Variants in ZNF729 observed in about 807,000 individuals in gnomAD.
ZNF729 encodes the protein zinc finger protein 729.
ZNF729 carries 15 observed loss-of-function variants against 12.2 expected under a neutral mutation model. That is an observed-to-expected ratio of 1.23 (90% CI 0.82 to 1.89). The LOEUF (loss-of-function observed/expected upper bound fraction) is 1.89. Ranked by LOEUF, ZNF729 falls within the 40% of genes most tolerant of loss-of-function variation. The probability of loss-of-function intolerance (pLI) is 0.00; values close to 1 mark genes in which losing one functional copy is unlikely to be tolerated. For synonymous variants in ZNF729, 492 were observed against 476.3 expected (o/e 1.03, Z -0.43); for missense variants, 1,540 against 1,456.7 (o/e 1.06, Z -0.93).
At chr19:22,300,934 G>A (rs902181813) in intron 1 of ZNF729, among the ~76,000 whole-genome samples, 2 of 152,158 alleles carry the variant, frequency 1.3e-5, no homozygotes, top group African/African-American at 4.8e-5. Flanking sequence ...CAGGTCTTCA[G>A]ATTTGAGAAA....
chr19:22,291,203 A>G (rs1411959949), intron 1 of ZNF729, among the ~76,000 whole-genome samples: 1 of 152,268 alleles, frequency 6.6e-6, no homozygotes, highest in East Asian at 1.9e-4. Flanking sequence ...CCTGGTCTGG[A>G]ATGGATCTCT....
At chr19:22,293,811 T>TAAA (rs1968188192) in intron 1 of ZNF729, among the ~76,000 whole-genome samples, 1 of 152,172 alleles carries the variant, frequency 6.6e-6, no homozygotes, top group East Asian at 1.9e-4. Context: ...GTCTACCTTT[T>TAAA]AAGGAGGTCG....
At chr19:22,293,275 T>C (rs1264555232) in intron 1 of ZNF729, among the ~76,000 whole-genome samples, 1 of 152,172 alleles carries the variant, frequency 6.6e-6, no homozygotes, top group African/African-American at 2.4e-5. Context: ...AATCTTCACC[T>C]CCTGGGTTCA....
chr19:22,288,402 G>A (rs967975625), intron 1 of ZNF729, among the ~76,000 whole-genome samples: 4 of 149,576 alleles, frequency 2.7e-5, no homozygotes, highest in African/African-American at 7.4e-5. Flanking sequence ...ATGGAGTGAT[G>A]TGTTTTCAGC....
intron 3 of ZNF729, among the ~76,000 whole-genome samples, chr19:22,307,584 A>G (rs544133567): frequency 6.6e-6 from 1 of 151,346 alleles, no homozygotes; most frequent in East Asian, 2.0e-4. Context: ...TCTCTACTAA[A>G]AATACAAAAG....
At chr19:22,296,912 A>G (rs971152303) in intron 1 of ZNF729, among the ~76,000 whole-genome samples, 9 of 147,064 alleles carry the variant, frequency 6.1e-5, no homozygotes, top group South Asian at 2.1e-4. Context: ...TTTTCTATGT[A>G]TTGAATTGTA....
chr19:22,293,164 C>T (rs547971140), intron 1 of ZNF729, among the ~76,000 whole-genome samples: 3 of 151,960 alleles, frequency 2.0e-5, no homozygotes, highest in Non-Finnish European at 2.9e-5. Context: ...TTTTGAAAAA[C>T]ATTTGTTCAT....
rs1568578843 is a variant in ZNF729 at position 22,316,529 on chromosome 19, CAT to C, written c.3114_3115del (p.His1038GlnfsTer13). ...AFNNFSALMK[H>X]KIIHTGEKPY... Reference sequence around the variant, plus strand: ...TAACAATTTCTCAGCCCTTATGAAACATAAGATAATTCATACTGGGGAGAAAC... The same window carrying C: ...TAACAATTTCTCAGCCCTTATGAAACAAGATAATTCATACTGGGGAGAAAC... On this transcript the variant is annotated frameshift_variant, in exon 4 of 4. Transcript: ENST00000601693. LOFTEE classifies it low-confidence loss of function (END_TRUNC). 8.1e-6 allele frequency: 13 copies of C among 1,613,654 alleles called. No homozygotes were observed. The highest frequency in any genetic ancestry group is 1.7e-5 in the Admixed American group (1 of 59,988).
intron 3 of ZNF729, among the ~76,000 whole-genome samples, chr19:22,305,916 G>A (rs1289979234): frequency 2.0e-5 from 3 of 152,000 alleles, no homozygotes; most frequent in Non-Finnish European, 4.4e-5. Context: ...TAATCCTCTA[G>A]TTTCAACCTC....
At position 22,305,035 on chromosome 19, in the gene ZNF729, C is replaced by T. The variant is rs59865683; in HGVS notation, c.253+252C>T. ...ATGAGAGCCAAAGTCGTGTTCATGG[C>T]GTATAAGGGACTGCACAGTCTGACT... On this transcript the variant is annotated intron_variant, in intron 3 of 3. Coordinates refer to ENST00000601693, the MANE Select transcript of ZNF729 (RefSeq NM_001242680.2). Among the ~76,000 whole-genome samples, 3,357 of 152,192 alleles carry T rather than the reference C, an allele frequency of 0.022. 111 individuals are homozygous for T. The highest frequency in any genetic ancestry group is 0.077 in the African/African-American group (3,186 of 41,500).
At chr19:22,288,865 A>G (rs564112066) in intron 1 of ZNF729, among the ~76,000 whole-genome samples, 1 of 151,784 alleles carries the variant, frequency 6.6e-6, no homozygotes, top group African/African-American at 2.4e-5. Context: ...CAAAAATAAT[A>G]TCCCAAAAGA....
chr19:22,308,544 AT>A (rs973945214), intron 3 of ZNF729, among the ~76,000 whole-genome samples: 11 of 148,162 alleles, frequency 7.4e-5, no homozygotes, highest in South Asian at 2.1e-4. Flanking sequence ...TGTTTTTTTG[AT>A]TTTTTTTTTA....
intron 1 of ZNF729, among the ~76,000 whole-genome samples, chr19:22,294,038 T>C (rs1968190871): frequency 6.6e-6 from 1 of 152,202 alleles, no homozygotes; most frequent in South Asian, 2.1e-4. Context: ...ATAAAATCTT[T>C]GTTAGTTCCC....
intron 1 of ZNF729, among the ~76,000 whole-genome samples, chr19:22,293,188 C>CT (rs200972557): frequency 2.7e-4 from 41 of 151,348 alleles, no homozygotes; most frequent in African/African-American, 6.3e-4. Flanking sequence ...TTTTGTCTAC[C>CT]TTTTTTTTTA....
intron 1 of ZNF729, among the ~76,000 whole-genome samples, chr19:22,297,461 T>C (rs972281188): frequency 2.0e-5 from 3 of 151,996 alleles, no homozygotes; most frequent in Non-Finnish European, 4.4e-5. Flanking sequence ...TATTCTCCTA[T>C]AGGAAAATAA....
intron 1 of ZNF729, among the ~76,000 whole-genome samples, chr19:22,294,504 A>G (rs1968198105): frequency 6.6e-6 from 1 of 152,040 alleles, no homozygotes. Flanking sequence ...TCTGTTAAGA[A>G]TGTTTTTGGT....
intron 3 of ZNF729, among the ~76,000 whole-genome samples, chr19:22,309,467 C>A (rs1161053688): frequency 6.6e-6 from 1 of 152,034 alleles, no homozygotes; most frequent in Non-Finnish European, 1.5e-5. Context: ...AAAGAGTATC[C>A]TTTACCCACT....
intron 3 of ZNF729, among the ~76,000 whole-genome samples, chr19:22,312,841 G>A (rs1968468353): frequency 6.6e-6 from 1 of 152,184 alleles, no homozygotes. Flanking sequence ...AACCTCCCTA[G>A]TAGCTGGGAT....
Position 22,314,101 on chromosome 19 carries a change from A to G in ZNF729, c.684A>G (p.Ile228Met). 2 of 1,548,104 alleles carry G rather than the reference A, an allele frequency of 1.3e-6. No homozygotes were observed. The highest frequency in any genetic ancestry group is 1.7e-6 in the Non-Finnish European group (2 of 1,147,588). Reference sequence around the variant, plus strand: ...TCTCAACCCTTACTAAACATAAGATAATTCATACTGAAGACAAACCTTACA... The same window carrying G: ...TCTCAACCCTTACTAAACATAAGATGATTCATACTGAAGACAAACCTTACA... ...KSFSTLTKHK[I>M]IHTEDKPYKY... is the part of the protein sequence containing the mutation. The change falls in exon 4 of 4, where the codon ATA becomes ATG. Residue 228 changes from isoleucine (I) to methionine (M), a missense_variant. Transcript: ENST00000601693.
Sources: allele counts gnomAD v4.1 joint callset (sites outside exome capture counted in the v4.1 genomes callset), GRCh38; gene constraint gnomAD v4.1.1; transcripts MANE v1.5; gene names NCBI Gene and HGNC (gene_info 2026-07-23, HGNC 2026-07-21).